Variants in SLC25A24 observed in about 807,000 individuals in gnomAD.
SLC25A24 encodes solute carrier family 25 member 24.
In SLC25A24, 49 loss-of-function variants were observed where a neutral mutation model predicts 60.7. That is an observed-to-expected ratio of 0.81 (90% CI 0.64 to 1.02). The LOEUF (loss-of-function observed/expected upper bound fraction) is 1.02, where lower values mean the gene tolerates loss of function less well. Among genes scored for constraint, SLC25A24 ranks in the 50% least tolerant of loss-of-function variants. The pLI, the probability that SLC25A24 is intolerant of heterozygous loss-of-function variation, is 0.00. For synonymous variants in SLC25A24, 202 were observed against 200.6 expected (o/e 1.01, Z -0.06); for missense variants, 564 against 586.3 (o/e 0.96, Z 0.39).
chr1:108,200,272 G>A lies in SLC25A24; in HGVS notation c.-134C>T. 1 of 800,014 alleles carries A rather than the reference G, an allele frequency of 1.2e-6. No individual in the cohort carries two copies. Among genetic ancestry groups the A allele is most frequent in the East Asian group, 3.5e-5 (1 of 28,610 alleles). 49.6% of individuals were successfully genotyped at this position (800,014 alleles called of 1,614,324 possible). A position where few individuals can be genotyped will look rare whatever the true frequency, so the allele number is the denominator to read the frequency against. On this transcript the variant is annotated 5_prime_UTR_variant, in exon 1 of 10. Transcript: ENST00000565488. ...CAGCGTTTGGGGCGCCGTCGGGGTTGCGGCTGCGGCGCGCAGGGCGCAGGG... is the reference window on the plus strand; with the variant it reads ...CAGCGTTTGGGGCGCCGTCGGGGTTACGGCTGCGGCGCGCAGGGCGCAGGG...
At position 108,172,486 on chromosome 1, in the gene SLC25A24, C is replaced by T. The variant is rs78204006; in HGVS notation, c.398+9455G>A. Among the ~76,000 whole-genome samples the T allele has an allele frequency of 6.5e-3, 985 of 152,278 alleles. 9 individuals are homozygous for T. Among genetic ancestry groups the T allele is most frequent in the African/African-American group, 0.023 (942 of 41,546 alleles). On this transcript the variant is annotated intron_variant, in intron 3 of 9. Transcript: ENST00000565488. ...CTCATGGCTGAAGAAAAAAGGTGAG[C>T]AAGTGTGTCAGATGGTGAGAGAAGG...
intron 3 of SLC25A24, among the ~76,000 whole-genome samples, chr1:108,177,104 T>C (rs1647701084): frequency 1.3e-5 from 2 of 152,256 alleles, no homozygotes; most frequent in East Asian, 3.9e-4. Flanking sequence ...ACATCAAAAA[T>C]TCAAAATTTC....
chr1:108,158,766 G>GC (rs1387354614), intron 4 of SLC25A24, among the ~76,000 whole-genome samples: 1 of 151,188 alleles, frequency 6.6e-6, no homozygotes, highest in Non-Finnish European at 1.5e-5. Context: ...ACTTTGGGAG[G>GC]CGAGGCGGGC....
chr1:108,140,809 C>T (rs369871136), intron 8 of SLC25A24, among the ~76,000 whole-genome samples: 40 of 85,366 alleles, frequency 4.7e-4, no homozygotes, highest in African/African-American at 1.6e-3. Flanking sequence ...GGAATCAGAA[C>T]ATATCACTAC....
At chr1:108,179,344 A>G (rs566713038) in intron 3 of SLC25A24, among the ~76,000 whole-genome samples, 36 of 152,282 alleles carry the variant, frequency 2.4e-4, no homozygotes, top group African/African-American at 7.9e-4. Flanking sequence ...TCCTTTAAAA[A>G]TTAAATATAG....
chr1:108,200,215 C>T lies in SLC25A24; in HGVS notation c.-77G>A. The T allele has an allele frequency of 7.3e-7, 1 of 1,370,066 alleles. No homozygotes were observed. Among genetic ancestry groups the T allele is most frequent in the Non-Finnish European group, 9.5e-7 (1 of 1,051,784 alleles). The allele number at this position is 1,370,066 out of a possible 1,614,324, so 84.9% of individuals were successfully genotyped here. On this transcript the variant is annotated 5_prime_UTR_variant, in exon 1 of 10. Transcript: ENST00000565488. ...CTGCGGGGCGAGACCGGGACCAGCG[C>T]GAGGCCGGGCTGGGCGGGGCGCGCG...
intron 8 of SLC25A24, among the ~76,000 whole-genome samples, chr1:108,142,581 T>G (rs764547669): frequency 1.1e-4 from 16 of 152,096 alleles, no homozygotes; most frequent in Non-Finnish European, 1.9e-4. Flanking sequence ...TTCCTAGACA[T>G]AGAAAGCAGA....
At chr1:108,170,799 T>C (rs763469651) in intron 3 of SLC25A24, among the ~76,000 whole-genome samples, 1 of 152,120 alleles carries the variant, frequency 6.6e-6, no homozygotes, top group Non-Finnish European at 1.5e-5. Flanking sequence ...TCTGACAATC[T>C]CTGCCTTCTG....
At chr1:108,157,317 GAGTTAAC>G in intron 5 of SLC25A24, 138 bp downstream of exon 5, 1 of 832,166 alleles carries the variant, frequency 1.2e-6, no homozygotes, top group East Asian at 2.7e-5. Context: ...ACTGAATTTA[GAGTTAAC>G]AGCAACAAAA....
rs1021971233 is a variant in SLC25A24 at position 108,134,967 on chromosome 1, C to T, written c.*1686G>A. 1 of 152,102 alleles carries T rather than the reference C, an allele frequency of 6.6e-6. No individual in the cohort carries two copies. The highest frequency in any genetic ancestry group is 2.4e-5 in the African/African-American group (1 of 41,418). The allele number at this position is 152,102 out of a possible 1,614,324, so 9.4% of individuals were successfully genotyped here. ...AGATACAAGATGTACAGACAAATCA[C>T]ATTCATACCTTACAATTTAAATTCA... On this transcript the variant is annotated 3_prime_UTR_variant, in exon 10 of 10. Transcript: ENST00000565488.
intron 3 of SLC25A24, among the ~76,000 whole-genome samples, chr1:108,163,000 G>T (rs1680132492): frequency 7.2e-6 from 1 of 138,496 alleles, no homozygotes; most frequent in Non-Finnish European, 1.6e-5. Context: ...TCCAGTTTCA[G>T]CTTTCTACAT....
At chr1:108,192,097 A>T (rs1350691488) in intron 1 of SLC25A24, among the ~76,000 whole-genome samples, 1 of 138,202 alleles carries the variant, frequency 7.2e-6, no homozygotes, top group Non-Finnish European at 1.6e-5. Context: ...GAAAATTTCC[A>T]ATCACCACCC....
At chr1:108,166,255 T>G (rs893380017) in intron 3 of SLC25A24, among the ~76,000 whole-genome samples, 9 of 151,996 alleles carry the variant, frequency 5.9e-5, no homozygotes, top group Non-Finnish European at 1.0e-4. Flanking sequence ...CTTTGGTGAA[T>G]CTGACAATTA....
intron 6 of SLC25A24, among the ~76,000 whole-genome samples, chr1:108,153,371 C>G (rs539309843): frequency 2.0e-5 from 3 of 152,176 alleles, no homozygotes; most frequent in African/African-American, 7.2e-5. Flanking sequence ...TAGTTACATA[C>G]TCTGGGAAAT....
At chr1:108,168,576 C>T (rs1647315278) in intron 3 of SLC25A24, among the ~76,000 whole-genome samples, 1 of 152,218 alleles carries the variant, frequency 6.6e-6, no homozygotes, top group South Asian at 2.1e-4. Flanking sequence ...GTGGGTATAA[C>T]TTGCATTTCC....
intron 6 of SLC25A24, among the ~76,000 whole-genome samples, chr1:108,150,468 T>C (rs185751094): frequency 2.3e-4 from 35 of 152,292 alleles, no homozygotes; most frequent in African/African-American, 8.4e-4. Context: ...AATCCTTTTG[T>C]CTATCTCAGT....
intron 1 of SLC25A24, among the ~76,000 whole-genome samples, chr1:108,196,331 TG>T (rs1229640060): frequency 6.6e-6 from 1 of 152,182 alleles, no homozygotes; most frequent in Non-Finnish European, 1.5e-5. Flanking sequence ...AGCTAGTAAA[TG>T]GGATACCACA....
intron 1 of SLC25A24, among the ~76,000 whole-genome samples, chr1:108,193,639 GA>G (rs1466544778): frequency 7.2e-6 from 1 of 139,692 alleles, no homozygotes; most frequent in African/African-American, 2.5e-5. Context: ...CAGCACTGGA[GA>G]ATTGCTGTAA....
rs753688650 is a variant in SLC25A24 at position 108,155,011 on chromosome 1, G to A, written c.794C>T (p.Thr265Ile). ...GTNVIKIAPETAVKFWAYEQY... is the reference protein window; with the variant it reads ...GTNVIKIAPEIAVKFWAYEQY... ...TTCATATGCCCAGAATTTAACAGCT[G>A]TCTCAGGAGCAATTTTGATGACGTT... The change falls in exon 6 of 10, where the codon ACA becomes ATA. Residue 265 changes from threonine to isoleucine, a missense_variant. Thr to Ile is a moderately conservative substitution (Grantham distance 89). Transcript: ENST00000565488. 6.8e-6 allele frequency: 11 copies of A among 1,608,350 alleles called. No homozygotes were observed. The highest frequency in any genetic ancestry group is 8.5e-6 in the Non-Finnish European group (10 of 1,177,398).
Sources: allele counts gnomAD v4.1 joint callset (sites outside exome capture counted in the v4.1 genomes callset), GRCh38; gene constraint gnomAD v4.1.1; transcripts MANE v1.5; gene names NCBI Gene and HGNC (gene_info 2026-07-23, HGNC 2026-07-21).